SYT9: variants seen among roughly 807,000 people sequenced by gnomAD.
The protein encoded by SYT9 is synaptotagmin 9.
A neutral mutation model predicts 48.4 loss-of-function variants in SYT9; 22 were observed. That is an observed-to-expected ratio of 0.45 (90% confidence interval 0.32 to 0.65). The LOEUF is 0.65. Among genes scored for constraint, SYT9 ranks in the 30% least tolerant of loss-of-function variants. The probability of loss-of-function intolerance (pLI) is 0.03; values close to 1 mark genes in which losing one functional copy is unlikely to be tolerated. For synonymous variants in SYT9, 265 were observed against 245.0 expected (o/e 1.08, Z -0.76); for missense variants, 577 against 622.0 (o/e 0.93, Z 0.77).
rs1224100363 is a variant in SYT9 at position 7,319,286 on chromosome 11, GA to G, written c.1044+5348del. 5.2e-5 allele frequency among the ~76,000 whole-genome samples: 7 copies of G among 135,808 alleles called. No individual in the cohort carries two copies. In the South Asian group the frequency reaches 1.7e-3, roughly 34 times the overall value. The allele number at this position is 135,808 out of a possible 152,430, so 89.1% of individuals were successfully genotyped here. On this transcript the variant is annotated intron_variant, in intron 3 of 6. Transcript: ENST00000318881. ...TGTAGGCTGGCAATAACTTTCAACT[GA>G]AAGCCACAACTCTGGAATATGCCTT...
intron 1 of SYT9, among the ~76,000 whole-genome samples, chr11:7,239,652 A>G (rs546077663): frequency 2.0e-5 from 3 of 152,312 alleles, no homozygotes; most frequent in East Asian, 1.9e-4. Flanking sequence ...TGCTTTAGAC[A>G]GTTATTACAG....
intron 6 of SYT9, among the ~76,000 whole-genome samples, chr11:7,432,547 CAAAAAAAAAAAAAAAAA>C (rs67650978): frequency 4.7e-4 from 8 of 16,948 alleles, no homozygotes; most frequent in African/African-American, 1.3e-3. Context: ...GACTCCATCT[CAAAAAAAAAAAAAAAAA>C]AAAAAAAAAA....
chr11:7,280,439 T>C (rs987703571), intron 1 of SYT9, among the ~76,000 whole-genome samples: 2 of 152,388 alleles, frequency 1.3e-5, no homozygotes, highest in African/African-American at 4.8e-5. Flanking sequence ...TTTTTTAATA[T>C]TGGAAGAATA....
intron 4 of SYT9, 144 bp from the exon 5 acceptor site, chr11:7,417,813 A>G (rs1847280096): frequency 4.1e-6 from 3 of 728,498 alleles, no homozygotes; most frequent in Non-Finnish European, 6.5e-6. Flanking sequence ...CAGATATCAT[A>G]TTAATGACAG....
chr11:7,343,455 C>T (rs1332931276), intron 3 of SYT9, among the ~76,000 whole-genome samples: 1 of 152,196 alleles, frequency 6.6e-6, no homozygotes, highest in Non-Finnish European at 1.5e-5. Flanking sequence ...TTGCCAGTCT[C>T]TTTGCTAAAA....
intron 3 of SYT9, among the ~76,000 whole-genome samples, chr11:7,339,153 T>A (rs897187604): frequency 1.3e-5 from 2 of 152,174 alleles, no homozygotes; most frequent in African/African-American, 4.8e-5. Context: ...TCTGTTTTTA[T>A]CTGAAGTTAG....
intron 6 of SYT9, among the ~76,000 whole-genome samples, chr11:7,433,989 G>A (rs1435050803): frequency 6.6e-6 from 1 of 152,208 alleles, no homozygotes; most frequent in Non-Finnish European, 1.5e-5. Context: ...ACTGGCTGCA[G>A]AGAGGCCCAC....
At chr11:7,458,388 G>C (rs1321310621) in intron 6 of SYT9, among the ~76,000 whole-genome samples, 6 of 152,142 alleles carry the variant, frequency 3.9e-5, no homozygotes, top group Non-Finnish European at 7.4e-5. Context: ...GGCTGAGGCA[G>C]GAGAGTCACT....
At chr11:7,268,737 C>T (rs147962758) in intron 1 of SYT9, among the ~76,000 whole-genome samples, 53 of 152,072 alleles carry the variant, frequency 3.5e-4, no homozygotes, top group African/African-American at 1.1e-3. Flanking sequence ...ATAACTTTAT[C>T]GAGACGTGTT....
In SYT9 at chr11:7,383,867, T is replaced by G. The variant is rs375247929; in HGVS notation, c.1045-32175T>G. 5.3e-5 allele frequency among the ~76,000 whole-genome samples: 8 copies of G among 152,308 alleles called. No homozygotes were observed. In the East Asian group the frequency reaches 9.6e-4, roughly 18 times the overall value. ...TGTCTAGGCTGCACGAGTTTTTAAA[T>G]ACAAGTGAAGTCATCTTTTGGGTTA... On this transcript the variant is annotated intron_variant, in intron 3 of 6. Coordinates refer to ENST00000318881, the MANE Select transcript of SYT9 (RefSeq NM_175733.4).
chr11:7,316,346 A>G (rs1201827873), intron 3 of SYT9, among the ~76,000 whole-genome samples: 4 of 152,090 alleles, frequency 2.6e-5, no homozygotes, highest in African/African-American at 9.7e-5. Flanking sequence ...ATATATATGC[A>G]TATACATATG....
intron 6 of SYT9, among the ~76,000 whole-genome samples, chr11:7,426,525 C>A (rs1847461332): frequency 6.6e-6 from 1 of 152,156 alleles, no homozygotes; most frequent in South Asian, 2.1e-4. Context: ...CACAAGGGAG[C>A]CACAGGAGAC....
chr11:7,273,332 T>C (rs1186930621), intron 1 of SYT9, among the ~76,000 whole-genome samples: 1 of 152,088 alleles, frequency 6.6e-6, no homozygotes, highest in Non-Finnish European at 1.5e-5. Flanking sequence ...GTTTTTTTCT[T>C]TTGTTAGTGT....
At chr11:7,239,753 T>C (rs1847722053) in intron 1 of SYT9, among the ~76,000 whole-genome samples, 1 of 151,980 alleles carries the variant, frequency 6.6e-6, no homozygotes, top group Non-Finnish European at 1.5e-5. Flanking sequence ...GATTTGCTGG[T>C]GGATTGGATT....
chr11:7,244,845 A>T lies in SYT9; in HGVS notation c.49+5929A>T, dbSNP rs1847775167. 2.0e-5 allele frequency among the ~76,000 whole-genome samples: 3 copies of T among 152,182 alleles called. No homozygotes were observed. In the South Asian group the frequency reaches 6.2e-4, roughly 32 times the overall value. On this transcript the variant is annotated intron_variant and NMD_transcript_variant, in intron 1 of 8. Transcript: ENST00000524820. ...AAGAGCAGCATGAAAGATTTATGGG[A>T]TTTCATCCATGGCATGTTGAGATGC...
chr11:7,377,624 G>A lies in SYT9; in HGVS notation c.1045-38418G>A, dbSNP rs144012153. ...CTGCTGATAAAAGGTGAGAGGCAAG[G>A]CCATCTCTTGGCCCTTCCACAAGGG... On this transcript the variant is annotated intron_variant, in intron 3 of 6. Transcript: ENST00000318881. 1.1e-4 allele frequency among the ~76,000 whole-genome samples: 16 copies of A among 152,216 alleles called. No individual in the cohort carries two copies. The East Asian group carries it at 3.1e-3, about 29-fold the overall frequency.
At chr11:7,267,801 A>G (rs1025740222) in intron 1 of SYT9, among the ~76,000 whole-genome samples, 2 of 151,934 alleles carry the variant, frequency 1.3e-5, no homozygotes, top group Admixed American at 6.6e-5. Flanking sequence ...AATAAAACCC[A>G]GGTGTGTCTT....
At chr11:7,261,947 A>T (rs1052988054) in intron 1 of SYT9, among the ~76,000 whole-genome samples, 1 of 152,190 alleles carries the variant, frequency 6.6e-6, no homozygotes, top group Non-Finnish European at 1.5e-5. Context: ...TTAACAGAAG[A>T]GAGATAACAT....
At chr11:7,380,552 C>T (rs2134044750) in intron 3 of SYT9, among the ~76,000 whole-genome samples, 1 of 151,068 alleles carries the variant, frequency 6.6e-6, no homozygotes, top group East Asian at 1.9e-4. Flanking sequence ...CTCAGGCACC[C>T]CATAAGAATA....
Sources: gnomAD v4.1 joint callset for allele counts (sites outside exome capture counted in the v4.1 genomes callset) on GRCh38, gnomAD v4.1.1 for gene constraint, MANE v1.5 for transcripts, NCBI Gene and HGNC (gene_info 2026-07-23, HGNC 2026-07-21) for gene names.